PALM2AKAP2: variants seen among roughly 807,000 people sequenced by gnomAD.
The protein encoded by PALM2AKAP2 is PALM2 and AKAP2 fusion, also known as PALM2-AKAP2 fusion protein.
A neutral mutation model predicts 71.5 loss-of-function variants in PALM2AKAP2; 37 were observed. The ratio of observed to expected loss-of-function variants is 0.52; its 90% CI spans 0.40 to 0.68. PALM2AKAP2 has a LOEUF of 0.68. Among genes scored for constraint, PALM2AKAP2 ranks in the 30% least tolerant of loss-of-function variants. The pLI is 0.00. For missense variants in PALM2AKAP2, 1,224 were observed against 1,191.8 expected, an observed-to-expected ratio of 1.03 and a Z score of -0.40; for synonymous variants, 468 against 478.8, an observed-to-expected ratio of 0.98 and a Z score of 0.29.
intron 6 of PALM2AKAP2, among the ~76,000 whole-genome samples, chr9:110,011,715 G>C (rs952179302): frequency 6.6e-6 from 1 of 152,214 alleles, no homozygotes; most frequent in Non-Finnish European, 1.5e-5. Flanking sequence ...TTGGCCTGTA[G>C]TCTACTGTGC....
chr9:110,127,898 T>G (rs1041363293), intron 1 of PALM2AKAP2: 8 of 152,304 alleles, frequency 5.3e-5, no homozygotes, highest in African/African-American at 7.2e-5. Context: ...TCCCTCCAAG[T>G]CTGTGAGCGT....
At chr9:110,143,260 A>G (rs1836078767) in intron 2 of PALM2AKAP2, among the ~76,000 whole-genome samples, 1 of 151,646 alleles carries the variant, frequency 6.6e-6, no homozygotes, top group South Asian at 2.1e-4. Flanking sequence ...AAAAAAAAAA[A>G]AAAAAAGAAA....
chr9:109,792,562 C>T (rs1827144544), intron 1 of PALM2AKAP2, among the ~76,000 whole-genome samples: 1 of 152,120 alleles, frequency 6.6e-6, no homozygotes, highest in African/African-American at 2.4e-5. Context: ...TTTTAAAACT[C>T]TAACTGGAAT....
chr9:109,880,585 G>T, exon 3 of PALM2AKAP2: 1 of 1,613,428 alleles, frequency 6.2e-7, no homozygotes, highest in Non-Finnish European at 8.5e-7. Context: ...CTGCTGCAGG[G>T]CATACCCGCT....
chr9:109,810,058 C>T (rs1336281644), intron 1 of PALM2AKAP2, among the ~76,000 whole-genome samples: 2 of 152,170 alleles, frequency 1.3e-5, no homozygotes, highest in Non-Finnish European at 2.9e-5. Context: ...CCCCGAAGGC[C>T]CTACCTAATA....
chr9:110,159,267 G>T (rs1184462371), intron 3 of PALM2AKAP2, among the ~76,000 whole-genome samples: 1 of 152,066 alleles, frequency 6.6e-6, no homozygotes, highest in African/African-American at 2.4e-5. Flanking sequence ...GAGAAACATG[G>T]CTTCTTAGAC....
intron 3 of PALM2AKAP2, among the ~76,000 whole-genome samples, chr9:109,893,185 C>T (rs1830125032): frequency 6.6e-6 from 1 of 152,176 alleles, no homozygotes; most frequent in Non-Finnish European, 1.5e-5. Flanking sequence ...AGAAGCGTCC[C>T]ATCTCCCCAA....
exon 2 of PALM2AKAP2, chr9:110,136,634 G>A (rs759481374): frequency 1.9e-6 from 3 of 1,613,916 alleles, no homozygotes; most frequent in Middle Eastern, 1.6e-4. Context: ...AAGAACAAAT[G>A]GCCATTCCCC....
At chr9:109,711,583 G>C (rs1362631421) in intron 1 of PALM2AKAP2, among the ~76,000 whole-genome samples, 1 of 152,230 alleles carries the variant, frequency 6.6e-6, no homozygotes, top group Non-Finnish European at 1.5e-5. Flanking sequence ...GGGCCCCAAG[G>C]CTGGTCCTGA....
intron 1 of PALM2AKAP2, among the ~76,000 whole-genome samples, chr9:109,838,350 C>G (rs569396651): frequency 3.3e-5 from 5 of 152,236 alleles, no homozygotes; most frequent in Non-Finnish European, 7.4e-5. Context: ...ACACAACATA[C>G]CAGAATCTCC....
chr9:109,836,060 T>C (rs1477898998), intron 1 of PALM2AKAP2, among the ~76,000 whole-genome samples: 2 of 152,222 alleles, frequency 1.3e-5, no homozygotes, highest in Non-Finnish European at 2.9e-5. Flanking sequence ...GTTTGAGATC[T>C]GAGAACGGTC....
intron 2 of PALM2AKAP2, among the ~76,000 whole-genome samples, chr9:110,147,706 G>A (rs1289384607): frequency 1.3e-5 from 2 of 152,082 alleles, no homozygotes; most frequent in Non-Finnish European, 2.9e-5. Context: ...TGAGTTCAAC[G>A]CTGCTGTGAG....
At chr9:109,805,302 T>C (rs1827541563) in intron 1 of PALM2AKAP2, among the ~76,000 whole-genome samples, 1 of 152,200 alleles carries the variant, frequency 6.6e-6, no homozygotes, top group African/African-American at 2.4e-5. Flanking sequence ...GACTAAGCCA[T>C]GTGATCACCC....
chr9:109,997,503 C>CAT (rs888679742), intron 6 of PALM2AKAP2, among the ~76,000 whole-genome samples: 3 of 152,142 alleles, frequency 2.0e-5, no homozygotes, highest in Non-Finnish European at 4.4e-5. Context: ...TTTATATACA[C>CAT]ATATATATAT....
Position 110,100,768 on chromosome 9 carries a change from G to C in PALM2AKAP2, c.157-35359G>C, listed in dbSNP as rs530988160. ...TTCTGGATAACTACTACAATTCCTG[G>C]GATATTCTTACAGTGGGCACATGAC... On this transcript the variant is annotated intron_variant, in intron 1 of 3. Transcript: ENST00000374525. Among the ~76,000 whole-genome samples, 5 of 152,192 alleles carry C rather than the reference G, an allele frequency of 3.3e-5. No homozygotes were observed. The South Asian group carries it at 1.0e-3, about 32-fold the overall frequency.
At chr9:109,947,725 C>G (rs1281865510) in intron 6 of PALM2AKAP2, among the ~76,000 whole-genome samples, 1 of 152,188 alleles carries the variant, frequency 6.6e-6, no homozygotes, top group African/African-American at 2.4e-5. Context: ...CAGGTCCTTT[C>G]CTGGAAGAAA....
chr9:109,829,341 G>T (rs1284081186), intron 1 of PALM2AKAP2, among the ~76,000 whole-genome samples: 1 of 152,038 alleles, frequency 6.6e-6, no homozygotes, highest in Non-Finnish European at 1.5e-5. Flanking sequence ...ATAGCATTTA[G>T]TGCATTTATT....
chr9:109,734,773 T>G (rs1828605054), intron 1 of PALM2AKAP2, among the ~76,000 whole-genome samples: 1 of 152,156 alleles, frequency 6.6e-6, no homozygotes, highest in Non-Finnish European at 1.5e-5. Context: ...TTCCAATGTG[T>G]TAGTATTGCC....
chr9:110,121,356 A>G, intron 1 of PALM2AKAP2, among the ~76,000 whole-genome samples: 1 of 152,134 alleles, frequency 6.6e-6, no homozygotes, highest in South Asian at 2.1e-4. Context: ...AAAGGTAAGG[A>G]GGGAGAGGAC....
Sources: allele counts gnomAD v4.1 joint callset (sites outside exome capture counted in the v4.1 genomes callset), GRCh38; gene constraint gnomAD v4.1.1; transcripts MANE v1.5; gene names NCBI Gene and HGNC (gene_info 2026-07-23, HGNC 2026-07-21).